Variants in FREM2 observed in about 807,000 individuals in gnomAD.
FREM2 encodes the protein FRAS1-related extracellular matrix protein 2.
FREM2 carries 119 observed loss-of-function variants against 219.9 expected under a neutral mutation model. That is an observed-to-expected ratio of 0.54 (90% CI 0.47 to 0.63). The LOEUF (loss-of-function observed/expected upper bound fraction) is 0.63, where lower values mean the gene tolerates loss of function less well. Among genes scored for constraint, FREM2 ranks in the 30% least tolerant of loss-of-function variants. The pLI is 0.00. For synonymous variants in FREM2, 1,562 were observed against 1,522.8 expected (o/e 1.03, Z -0.60); for missense variants, 4,030 against 3,993.6 (o/e 1.01, Z -0.25).
chr13:38,787,756 ATTAT>A (rs1277002126), intron 6 of FREM2, among the ~76,000 whole-genome samples: 4 of 149,158 alleles, frequency 2.7e-5, no homozygotes, highest in East Asian at 1.9e-4. Flanking sequence ...GTTATTATTT[ATTAT>A]TTATTATTAT....
intron 5 of FREM2, 131 bp downstream of exon 5, chr13:38,783,326 T>G (rs1874195552): frequency 9.9e-7 from 1 of 1,014,076 alleles, no homozygotes; most frequent in South Asian, 1.3e-5. Context: ...AGAAAAGGAT[T>G]TATTTAGAAG....
chr13:38,795,327 T>G (rs1283902713), intron 6 of FREM2, among the ~76,000 whole-genome samples: 1 of 43,056 alleles, frequency 2.3e-5, no homozygotes, highest in Admixed American at 2.6e-4. Context: ...TTCCAACATA[T>G]TTTTTTTTTT....
At chr13:38,739,120 GGA>G (rs1872126805) in intron 2 of FREM2, among the ~76,000 whole-genome samples, 1 of 152,102 alleles carries the variant, frequency 6.6e-6, no homozygotes, top group Non-Finnish European at 1.5e-5. Context: ...GTTGGTGGAG[GGA>G]GTATCAGTAG....
chr13:38,770,660 C>T (rs1873626071), intron 4 of FREM2, among the ~76,000 whole-genome samples: 1 of 149,802 alleles, frequency 6.7e-6, no homozygotes. Flanking sequence ...ATACCCACCC[C>T]ACCCACCCCC....
At chr13:38,764,940 T>C (rs1365362064) in intron 3 of FREM2, among the ~76,000 whole-genome samples, 1 of 152,216 alleles carries the variant, frequency 6.6e-6, no homozygotes, top group Non-Finnish European at 1.5e-5. Flanking sequence ...AGACGGAGGC[T>C]CGCTCTGTTG....
chr13:38,806,704 C>T (rs955668326), intron 6 of FREM2, among the ~76,000 whole-genome samples: 2 of 151,810 alleles, frequency 1.3e-5, no homozygotes, highest in African/African-American at 2.4e-5. Flanking sequence ...ATCAGGGTTG[C>T]GGAAGGTTGG....
At chr13:38,802,870 AT>A (rs2137852937) in intron 6 of FREM2, among the ~76,000 whole-genome samples, 1 of 152,190 alleles carries the variant, frequency 6.6e-6, no homozygotes, top group East Asian at 1.9e-4. Context: ...TGTAGAGGGA[AT>A]ATGGAGCCCT....
intron 17 of FREM2, among the ~76,000 whole-genome samples, chr13:38,873,599 A>C (rs1375019452): frequency 1.4e-5 from 2 of 147,794 alleles, no homozygotes; most frequent in African/African-American, 5.1e-5. Context: ...TGTTAGACTC[A>C]TAGTTCAAAG....
intron 16 of FREM2, 33 bp from the exon 17 acceptor site, chr13:38,872,709 G>A (rs139384518): frequency 1.9e-6 from 3 of 1,595,384 alleles, no homozygotes; most frequent in Non-Finnish European, 1.7e-6. Flanking sequence ...TTAACACTGA[G>A]TCATGTTGAT....
chr13:38,733,312 TG>T (rs1278678646), intron 2 of FREM2, among the ~76,000 whole-genome samples: 4 of 38,204 alleles, frequency 1.0e-4, no homozygotes, highest in East Asian at 5.2e-4. Flanking sequence ...TCGGAGCCAG[TG>T]GTTTTTTTTT....
intron 4 of FREM2, among the ~76,000 whole-genome samples, chr13:38,781,142 T>G (rs1334443291): frequency 6.6e-6 from 1 of 151,438 alleles, no homozygotes; most frequent in Non-Finnish European, 1.5e-5. Context: ...CCCTCATATC[T>G]TAGGCTCTCC....
intron 2 of FREM2, among the ~76,000 whole-genome samples, chr13:38,755,581 C>T (rs1872963769): frequency 6.6e-6 from 1 of 152,158 alleles, no homozygotes; most frequent in South Asian, 2.1e-4. Flanking sequence ...CTTTGAATCC[C>T]TACACTCAGA....
intron 6 of FREM2, among the ~76,000 whole-genome samples, chr13:38,789,868 T>A (rs765750761): frequency 6.6e-6 from 1 of 151,664 alleles, no homozygotes; most frequent in Non-Finnish European, 1.5e-5. Flanking sequence ...TTATTGAAGA[T>A]CTAAGGTCCA....
intron 2 of FREM2, among the ~76,000 whole-genome samples, chr13:38,752,928 A>T (rs1872837840): frequency 6.6e-6 from 1 of 152,196 alleles, no homozygotes; most frequent in Non-Finnish European, 1.5e-5. Flanking sequence ...CTGGCGCCAC[A>T]AAAGGAATTA....
chr13:38,846,260 A>G (rs1231829941), intron 6 of FREM2, among the ~76,000 whole-genome samples: 1 of 151,826 alleles, frequency 6.6e-6, no homozygotes, highest in African/African-American at 2.4e-5. Flanking sequence ...ATTTAGTTCT[A>G]TTTTTCCAAC....
At chr13:38,708,682 A>G (rs950645290) in intron 2 of FREM2, among the ~76,000 whole-genome samples, 13 of 152,150 alleles carry the variant, frequency 8.5e-5, no homozygotes, top group African/African-American at 2.9e-4. Context: ...CTTTAAAAAA[A>G]GTCTTTCCTC....
At position 38,880,862 on chromosome 13, in the gene FREM2, T is replaced by C; in HGVS notation, c.*75T>C. 2 of 1,530,518 alleles carry C rather than the reference T, an allele frequency of 1.3e-6. No homozygotes were observed. The highest frequency in any genetic ancestry group is 2.3e-5 in the South Asian group (2 of 87,392). The allele number at this position is 1,530,518 out of a possible 1,614,324, so 94.8% of individuals were successfully genotyped here. A position where few individuals can be genotyped will look rare whatever the true frequency, so the allele number is the denominator to read the frequency against. On this transcript the variant is annotated 3_prime_UTR_variant, in exon 24 of 24. Transcript: ENST00000280481. ...ACAATGGAACCTTAAATACTTCTGG[T>C]AAACCATAGAGAATGGAGGATGGCT... is the stretch of plus-strand genomic sequence containing the variant.
chr13:38,772,147 A>G (rs888120697), intron 4 of FREM2, among the ~76,000 whole-genome samples: 1 of 152,178 alleles, frequency 6.6e-6, no homozygotes, highest in African/African-American at 2.4e-5. Flanking sequence ...AGGACATGTT[A>G]TGATGTTTTG....
At chr13:38,826,665 G>A (rs1161654145) in intron 6 of FREM2, among the ~76,000 whole-genome samples, 1 of 152,100 alleles carries the variant, frequency 6.6e-6, no homozygotes, top group East Asian at 1.9e-4. Context: ...CACAGATTGT[G>A]TTTGACACCA....
Sources: allele counts gnomAD v4.1 joint callset (sites outside exome capture counted in the v4.1 genomes callset), GRCh38; gene constraint gnomAD v4.1.1; transcripts MANE v1.5; gene names NCBI Gene and HGNC (gene_info 2026-07-23, HGNC 2026-07-21).